Variants in NRXN3 observed in about 807,000 individuals in gnomAD.
NRXN3 encodes neurexin III.
Under a neutral mutation model 137.6 loss-of-function variants are expected in NRXN3, and 32 were observed. That is an observed-to-expected ratio of 0.23 (90% CI 0.18 to 0.31). The LOEUF is 0.31. Ranked by LOEUF, NRXN3 falls within the 10% of genes least tolerant of loss-of-function variation. The pLI is 1.00. For missense variants in NRXN3, 1,574 were observed against 2,062.5 expected (o/e 0.76, Z 4.59); for synonymous variants, 798 against 784.5 (o/e 1.02, Z -0.29).
At chr14:78,404,205 CTTTTT>C (rs61577048) in intron 4 of NRXN3, among the ~76,000 whole-genome samples, 1 of 142,226 alleles carries the variant, frequency 7.0e-6, no homozygotes, top group African/African-American at 2.6e-5. Context: ...CCCTATTTTC[CTTTTT>C]TTTTTTTTTT....
At chr14:78,194,850 C>T (rs572580008) in intron 1 of NRXN3, among the ~76,000 whole-genome samples, 45 of 152,204 alleles carry the variant, frequency 3.0e-4, no homozygotes, top group Non-Finnish European at 5.4e-4. Context: ...ATCTACGCCC[C>T]GGCTGGCGCT....
intron 15 of NRXN3, among the ~76,000 whole-genome samples, chr14:79,448,021 A>AGAC (rs1352035249): frequency 6.6e-6 from 1 of 152,222 alleles, no homozygotes; most frequent in African/African-American, 2.4e-5. Flanking sequence ...AGAATCAGAC[A>AGAC]AGGACCTCCT....
At chr14:79,275,568 T>C (rs993032442) in intron 15 of NRXN3, among the ~76,000 whole-genome samples, 1 of 152,112 alleles carries the variant, frequency 6.6e-6, no homozygotes, top group Non-Finnish European at 1.5e-5. Context: ...TGCATTAGAT[T>C]CCTGATGCCT....
At chr14:79,221,222 A>G (rs1243764348) in intron 15 of NRXN3, among the ~76,000 whole-genome samples, 1 of 152,150 alleles carries the variant, frequency 6.6e-6, no homozygotes, top group East Asian at 1.9e-4. Context: ...ATACATGTGC[A>G]TGTATCTTTA....
intron 4 of NRXN3, among the ~76,000 whole-genome samples, chr14:78,363,271 A>G (rs1431500093): frequency 6.6e-6 from 1 of 152,194 alleles, no homozygotes; most frequent in African/African-American, 2.4e-5. Flanking sequence ...CCTCTGATGT[A>G]GGTAAGCACT....
chr14:78,471,416 C>T (rs140189513), intron 4 of NRXN3, among the ~76,000 whole-genome samples: 1 of 152,090 alleles, frequency 6.6e-6, no homozygotes, highest in Non-Finnish European at 1.5e-5. Context: ...ATTAGGCCTA[C>T]TGGAATCAAC....
chr14:79,326,377 T>C (rs904498912), intron 15 of NRXN3, among the ~76,000 whole-genome samples: 2 of 152,156 alleles, frequency 1.3e-5, no homozygotes, highest in Non-Finnish European at 2.9e-5. Context: ...ATGACAACAG[T>C]ATGAGGGTAG....
intron 4 of NRXN3, among the ~76,000 whole-genome samples, chr14:78,439,307 T>C (rs1190639550): frequency 1.3e-5 from 2 of 152,142 alleles, no homozygotes; most frequent in Non-Finnish European, 2.9e-5. Flanking sequence ...GAATTTGTAA[T>C]TGGAATTCTT....
chr14:79,383,597 A>T (rs1396234684), intron 15 of NRXN3, among the ~76,000 whole-genome samples: 1 of 152,124 alleles, frequency 6.6e-6, no homozygotes, highest in Non-Finnish European at 1.5e-5. Context: ...AATTCACAAT[A>T]CTCACTGCTC....
Position 79,647,671 on chromosome 14 carries a change from A to G in NRXN3, c.3445-16107A>G. 1.5e-5 allele frequency among the ~76,000 whole-genome samples: 2 copies of G among 135,782 alleles called. 1 individual carries two copies. The highest frequency in any genetic ancestry group is 3.4e-5 in the Non-Finnish European group (2 of 58,446). The allele number at this position is 135,782 out of a possible 152,430, so 89.1% of individuals were successfully genotyped here. The stretch of plus-strand genomic sequence containing the variant: ...TCGAGCCGACCCATCTCTCTGAAGC[A>G]GCAGTTGGGCCATTACATTTTGGCA... On this transcript the variant is annotated intron_variant, in intron 16 of 20. Transcript: ENST00000335750.
At chr14:78,681,961 G>T (rs145585118) in intron 6 of NRXN3, among the ~76,000 whole-genome samples, 2 of 151,954 alleles carry the variant, frequency 1.3e-5, no homozygotes, top group African/African-American at 4.8e-5. Flanking sequence ...TCTGCCTCCC[G>T]GGTTCAAGCA....
chr14:79,667,793 AAGGG>A (rs1362355131), intron 17 of NRXN3, among the ~76,000 whole-genome samples: 1 of 151,998 alleles, frequency 6.6e-6, no homozygotes, highest in Non-Finnish European at 1.5e-5. Flanking sequence ...TGGTAGGAAC[AAGGG>A]AGGGGGGGTG....
intron 15 of NRXN3, among the ~76,000 whole-genome samples, chr14:79,277,539 C>G (rs897338806): frequency 1.3e-5 from 2 of 152,238 alleles, no homozygotes; most frequent in Admixed American, 1.3e-4. Flanking sequence ...GCTTATTTTT[C>G]TAGTGGACAA....
intron 4 of NRXN3, among the ~76,000 whole-genome samples, chr14:78,492,111 T>C (rs892942902): frequency 9.9e-5 from 15 of 152,172 alleles, no homozygotes; most frequent in Non-Finnish European, 1.8e-4. Context: ...TTTATCTCTA[T>C]GATTAAACAA....
chr14:79,346,157 C>T (rs889184159), intron 15 of NRXN3, among the ~76,000 whole-genome samples: 22 of 152,170 alleles, frequency 1.4e-4, no homozygotes, highest in African/African-American at 5.3e-4. Flanking sequence ...CAGTGGCTCA[C>T]GCCTATAATC....
Position 78,297,847 on chromosome 14 carries a change from G to C in NRXN3, c.744G>C (p.Met248Ile), listed in dbSNP as rs2076498161. 3 of 1,536,100 alleles carry C rather than the reference G, an allele frequency of 2.0e-6. No homozygotes were observed. Among genetic ancestry groups the C allele is most frequent in the South Asian group, 1.2e-5 (1 of 84,034 alleles). Residue 248 changes from methionine to isoleucine, a missense_variant, in exon 4 of 21, where the codon ATG (methionine) becomes ATC (isoleucine). Physicochemically the swap from Met to Ile is conservative, Grantham distance 10. This residue lies in a region of NRXN3 where 400 missense variants were observed against 527.3 expected (regional missense o/e 0.76). Coordinates refer to ENST00000335750, the MANE Select transcript of NRXN3 (RefSeq NM_001330195.2). ...VSQDPGLSHL[M>I]MSEQAREENV... is the part of the protein sequence containing the mutation. ...CTTCCTCAGGCCTCTCCCACCTCAT[G>C]ATGAGTGAACAAGGTAGGTGCTTTG...
chr14:78,876,033 G>A (rs1327079364), intron 10 of NRXN3, among the ~76,000 whole-genome samples: 1 of 152,092 alleles, frequency 6.6e-6, no homozygotes, highest in Non-Finnish European at 1.5e-5. Flanking sequence ...ATGTCTATCA[G>A]CCCAGCAGTC....
chr14:79,624,121 A>G (rs911534120), intron 16 of NRXN3, among the ~76,000 whole-genome samples: 7 of 152,286 alleles, frequency 4.6e-5, no homozygotes, highest in South Asian at 4.1e-4. Flanking sequence ...GATGGGGAGC[A>G]GGTGACATTG....
intron 4 of NRXN3, among the ~76,000 whole-genome samples, chr14:78,419,783 A>G (rs916652196): frequency 1.3e-5 from 2 of 152,144 alleles, no homozygotes; most frequent in Non-Finnish European, 2.9e-5. Flanking sequence ...GTTTTATTCC[A>G]CTGAGTTTGA....
Sources: allele counts gnomAD v4.1 joint callset (sites outside exome capture counted in the v4.1 genomes callset), GRCh38; gene constraint gnomAD v4.1.1; regional missense constraint gnomAD v4.1.1; transcripts MANE v1.5; gene names NCBI Gene and HGNC (gene_info 2026-07-23, HGNC 2026-07-21).